HHIPL2: variants seen among roughly 807,000 people sequenced by gnomAD.
The protein encoded by HHIPL2 is HHIP-like protein 2.
HHIPL2 carries 61 observed loss-of-function variants against 61.0 expected under a neutral mutation model. That is an observed-to-expected ratio of 1.00 (90% CI 0.81 to 1.24). The LOEUF (loss-of-function observed/expected upper bound fraction) is 1.24, where lower values mean the gene tolerates loss of function less well. Ranked by LOEUF, HHIPL2 falls within the 50% of genes most tolerant of loss-of-function variation. HHIPL2 has a pLI of 0.00. For missense variants in HHIPL2, 885 were observed against 910.2 expected, an observed-to-expected ratio of 0.97 and a Z score of 0.36; for synonymous variants, 343 against 357.4, an observed-to-expected ratio of 0.96 and a Z score of 0.45.
At chr1:222,542,964 A>G (rs547101941) in intron 2 of HHIPL2, among the ~76,000 whole-genome samples, 1 of 152,186 alleles carries the variant, frequency 6.6e-6, no homozygotes, top group Non-Finnish European at 1.5e-5. Flanking sequence ...GGGTTAATCT[A>G]TCAGTTCTTT....
chr1:222,538,880 A>C, intron 4 of HHIPL2, 106 bp from the exon 5 acceptor site: 8 of 1,142,086 alleles, frequency 7.0e-6, no homozygotes, highest in Non-Finnish European at 8.8e-6. Context: ...AGTAAAGAAC[A>C]CTTTACCTCT....
intron 6 of HHIPL2, among the ~76,000 whole-genome samples, chr1:222,529,158 C>T (rs1268340866): frequency 1.3e-5 from 2 of 152,132 alleles, no homozygotes. Flanking sequence ...CAGAGACCAG[C>T]GTTTGTCTTG....
intron 2 of HHIPL2, 56 bp downstream of exon 2, chr1:222,543,480 TG>T: frequency 6.7e-7 from 1 of 1,485,140 alleles, no homozygotes; most frequent in Non-Finnish European, 9.2e-7. Flanking sequence ...CTCGCAGACC[TG>T]GTTGGCATTA....
Position 222,522,442 on chromosome 1 carries a change from T to C in HHIPL2, c.*159A>G. 2.8e-6 allele frequency: 2 copies of C among 711,060 alleles called. No homozygotes were observed. Among genetic ancestry groups the C allele is most frequent in the Admixed American group, 2.3e-5 (1 of 42,782 alleles). 44.0% of individuals were successfully genotyped at this position (711,060 alleles called of 1,614,324 possible). A position where few individuals can be genotyped will look rare whatever the true frequency, so the allele number is the denominator to read the frequency against. On this transcript the variant is annotated 3_prime_UTR_variant, in exon 9 of 9. Coordinates refer to ENST00000343410, the MANE Select transcript of HHIPL2 (RefSeq NM_024746.4). ...CATACAGAGAAGGTGCATTTATTTA[T>C]TCAGTAGACAGCAAGATTTCCCAGG... is the stretch of plus-strand genomic sequence containing the variant.
chr1:222,538,673 A>G lies in HHIPL2; in HGVS notation c.1552T>C (p.Tyr518His). Reference sequence around the variant, plus strand: ...CCACTCATGAAGTCTCCAAAGATATACAGGCCATTGAGATTTGGGGATTCA... The same window carrying G: ...CCACTCATGAAGTCTCCAAAGATATGCAGGCCATTGAGATTTGGGGATTCA... ...GCESPNLNGL[Y>H]IFGDFMSGRL... Residue 518 changes from tyrosine (Y) to histidine (H), a missense_variant, in exon 5 of 9, where the codon TAT becomes CAT. Physicochemically the swap from Tyr to His is moderately conservative, Grantham distance 83. Coordinates refer to ENST00000343410, the MANE Select transcript of HHIPL2 (RefSeq NM_024746.4). The G allele has an allele frequency of 6.2e-7, 1 of 1,613,926 alleles. No individual in the cohort carries two copies.
chr1:222,525,090 TAAAAA>T (rs560880704), intron 7 of HHIPL2: 1 of 148,410 alleles, frequency 6.7e-6, no homozygotes, highest in Non-Finnish European at 1.5e-5. Context: ...AATGTCAACT[TAAAAA>T]AAAAAGGTGA....
At chr1:222,543,449 A>G in intron 2 of HHIPL2, 88 bp downstream of exon 2, 1 of 1,283,030 alleles carries the variant, frequency 7.8e-7, no homozygotes. Flanking sequence ...CTCTAAAACC[A>G]GTGAAGTTCC....
intron 5 of HHIPL2, among the ~76,000 whole-genome samples, chr1:222,535,137 T>A (rs576772746): frequency 3.9e-4 from 60 of 152,296 alleles, no homozygotes; most frequent in African/African-American, 1.4e-3. Flanking sequence ...GGCAGCGGAT[T>A]TCTCATTGGA....
At chr1:222,544,962 T>A (rs922109536) in intron 1 of HHIPL2, among the ~76,000 whole-genome samples, 1 of 152,220 alleles carries the variant, frequency 6.6e-6, no homozygotes, top group African/African-American at 2.4e-5. Context: ...CCTATACACA[T>A]TTGAATTGTG....
intron 1 of HHIPL2, among the ~76,000 whole-genome samples, chr1:222,546,075 A>AAATAAATAAATAAATAAAG (rs1659551036): frequency 1.6e-4 from 4 of 24,664 alleles, no homozygotes; most frequent in Admixed American, 3.9e-4. Flanking sequence ...AATAAATAAA[A>AAATAAATAAATAAATAAAG]GTCCTATGTG....
chr1:222,526,705 CAAAAAAAAAAAAA>C (rs1187186640), intron 7 of HHIPL2, among the ~76,000 whole-genome samples: 1 of 54,282 alleles, frequency 1.8e-5, no homozygotes. Flanking sequence ...AACTCCATCT[CAAAAAAAAAAAAA>C]AAAAAAAAAA....
At chr1:222,535,633 A>G (rs1659285599) in intron 5 of HHIPL2, among the ~76,000 whole-genome samples, 2 of 152,108 alleles carry the variant, frequency 1.3e-5, no homozygotes. Context: ...GCCTTGACTC[A>G]TGGCCCCACA....
intron 5 of HHIPL2, among the ~76,000 whole-genome samples, chr1:222,534,086 G>C (rs998385523): frequency 2.6e-5 from 4 of 152,216 alleles, no homozygotes; most frequent in African/African-American, 9.6e-5. Flanking sequence ...GTGAGGAATA[G>C]AAAGCACTAG....
In HHIPL2 at chr1:222,523,662, G is replaced by A. The variant is rs757002683; in HGVS notation, c.1838C>T (p.Pro613Leu). The change falls in exon 8 of 9, where the codon CCA becomes CTA. Residue 613 changes from proline to leucine, a missense_variant. Pro to Leu is a moderately conservative substitution (Grantham distance 98). Coordinates refer to ENST00000343410, the MANE Select transcript of HHIPL2 (RefSeq NM_024746.4). ...RAPPGKCKYK[P>L]VPVRTKSKRI... is the part of the protein sequence containing the mutation. ...CTTACTCTTGGTTCTCACGGGCACT[G>A]GCTTGTATTTGCACTTGCCTGGGGG... The A allele has an allele frequency of 1.2e-6, 2 of 1,614,184 alleles. No individual in the cohort carries two copies. Among genetic ancestry groups the A allele is most frequent in the Non-Finnish European group, 8.5e-7 (1 of 1,180,030 alleles).
Position 222,532,249 on chromosome 1 carries a change from C to T in HHIPL2, c.1578-138G>A, listed in dbSNP as rs1003858257. The T allele has an allele frequency of 4.4e-6, 3 of 677,278 alleles. No individual in the cohort carries two copies. The African/African-American group carries it at 5.3e-5, about 12-fold the overall frequency. 42.0% of individuals were successfully genotyped at this position (677,278 alleles called of 1,614,324 possible). Reference sequence around the variant, plus strand: ...GATCAATAACTAGCCTGCCTCCAAGCAACCAAAAAGCTTCTTCAGAGATAT... The same window carrying T: ...GATCAATAACTAGCCTGCCTCCAAGTAACCAAAAAGCTTCTTCAGAGATAT... On this transcript the variant is annotated intron_variant, in intron 5 of 8. Coordinates refer to ENST00000343410, the MANE Select transcript of HHIPL2 (RefSeq NM_024746.4).
At chr1:222,547,592 C>T (rs1426892482) in intron 1 of HHIPL2, 132 bp downstream of exon 1, 9 of 734,554 alleles carry the variant, frequency 1.2e-5, no homozygotes, top group South Asian at 8.9e-5. Context: ...TGTCCAAAGC[C>T]GGCAGCTCCA....
intron 8 of HHIPL2, among the ~76,000 whole-genome samples, chr1:222,523,357 A>C (rs1048458622): frequency 1.3e-5 from 2 of 152,248 alleles, no homozygotes; most frequent in Non-Finnish European, 2.9e-5. Context: ...ATGATGCCAA[A>C]TGAATGAATA....
rs995662921 is a variant in HHIPL2 at position 222,532,195 on chromosome 1, G to C, written c.1578-84C>G. 3.1e-6 allele frequency: 4 copies of C among 1,307,170 alleles called. No homozygotes were observed. The African/African-American group carries it at 5.9e-5, about 19-fold the overall frequency. 81.0% of individuals were successfully genotyped at this position (1,307,170 alleles called of 1,614,324 possible). ...TTTTCTCCTAGAATCAGAGATCCCT[G>C]AGTACTAGGACTGAGTCCCCCATTA... On this transcript the variant is annotated intron_variant, in intron 5 of 8. Transcript: ENST00000343410.
intron 5 of HHIPL2, among the ~76,000 whole-genome samples, chr1:222,532,925 A>G (rs1659223113): frequency 6.6e-6 from 1 of 152,228 alleles, no homozygotes; most frequent in South Asian, 2.1e-4. Context: ...TCCCTCTATC[A>G]TCTATCTGAA....
Sources: gnomAD v4.1 joint callset for allele counts (sites outside exome capture counted in the v4.1 genomes callset) on GRCh38, gnomAD v4.1.1 for gene constraint, MANE v1.5 for transcripts, NCBI Gene and HGNC (gene_info 2026-07-23, HGNC 2026-07-21) for gene names.